Variants in GOLM1 observed in about 807,000 individuals in gnomAD.
GOLM1 encodes golgi membrane protein 1, also known as epididymis luminal protein 46.
Under a neutral mutation model 50.5 loss-of-function variants are expected in GOLM1, and 31 were observed. The ratio of observed to expected loss-of-function variants is 0.61; its 90% CI spans 0.46 to 0.83. GOLM1 has a LOEUF of 0.83. Among genes scored for constraint, GOLM1 ranks in the 40% least tolerant of loss-of-function variants. The pLI, the probability that GOLM1 is intolerant of heterozygous loss-of-function variation, is 0.00. For synonymous variants in GOLM1, 178 were observed against 192.8 expected, an observed-to-expected ratio of 0.92 and a Z score of 0.64; for missense variants, 491 against 501.3, an observed-to-expected ratio of 0.98 and a Z score of 0.20.
At position 86,079,229 on chromosome 9, in the gene GOLM1, T is replaced by G; in HGVS notation, c.92A>C (p.Asn31Thr). The G allele has an allele frequency of 6.2e-7, 1 of 1,608,040 alleles. No homozygotes were observed. The highest frequency in any genetic ancestry group is 8.5e-7 in the Non-Finnish European group (1 of 1,176,260). The change falls in exon 2 of 10, where the codon AAC (asparagine) becomes ACC (threonine). Residue 31 changes from asparagine to threonine, a missense_variant. Coordinates refer to ENST00000388712, the MANE Select transcript of GOLM1 (RefSeq NM_016548.4). ...LVACIIVLGF[N>T]YWIASSRSVD... ...GCTCCGGGAGCTCGCAATCCAGTAGTTGAAGCCCAAGACGATGATGCAGGC... is the reference window on the plus strand; with the variant it reads ...GCTCCGGGAGCTCGCAATCCAGTAGGTGAAGCCCAAGACGATGATGCAGGC...
chr9:86,072,468 T>A (rs937149444), intron 3 of GOLM1, among the ~76,000 whole-genome samples: 1 of 152,200 alleles, frequency 6.6e-6, no homozygotes, highest in Non-Finnish European at 1.5e-5. Flanking sequence ...AGCAAGCCTG[T>A]CTCAGTGCTG....
chr9:86,079,104 A>G (rs1834709569), intron 2 of GOLM1, 88 bp downstream of exon 2: 17 of 1,233,616 alleles, frequency 1.4e-5, no homozygotes, highest in Non-Finnish European at 1.8e-5. Flanking sequence ...CTGGCTGGCA[A>G]TAAACAACAA....
In GOLM1 at chr9:86,033,357, TGTA is replaced by T; in HGVS notation, c.1051_1053del (p.Tyr351del). On this transcript the variant is annotated inframe_deletion, in exon 9 of 10. Transcript: ENST00000388712. ...GATTCTGCTTCATTTTCATCCATGT[TGTA>T]GTCATCTTCTCCTCTCAGTTTCTGC... The T allele has an allele frequency of 1.2e-6, 2 of 1,613,122 alleles. No homozygotes were observed.
At chr9:86,028,538 C>G (rs1832859720) in intron 9 of GOLM1, among the ~76,000 whole-genome samples, 1 of 152,216 alleles carries the variant, frequency 6.6e-6, no homozygotes, top group Non-Finnish European at 1.5e-5. Flanking sequence ...CTGATTTTTT[C>G]AGTACACTAG....
At chr9:86,065,546 C>T (rs1834284022) in intron 3 of GOLM1, among the ~76,000 whole-genome samples, 1 of 152,166 alleles carries the variant, frequency 6.6e-6, no homozygotes, top group African/African-American at 2.4e-5. Flanking sequence ...CCAGAACCCT[C>T]TGAGAATTGC....
In GOLM1 at chr9:86,046,526, A is replaced by G. The variant is rs1833549056; in HGVS notation, c.411T>C (p.Asp137=). The change falls in exon 5 of 10, where the codon GAT becomes GAC. Residue 137 remains aspartate (D), a synonymous_variant. Transcript: ENST00000388712. The part of the protein sequence containing the change: ...LQRNYGRLQQ[D]VLQFQKNQTN... ...TCTGGTTCTTCTGAAACTGGAGGAC[A>G]TCCTGCTGCAGCCTGCCGTAATTCC... 6.2e-7 allele frequency: 1 copy of G among 1,613,586 alleles called. No homozygotes were observed. Among genetic ancestry groups the G allele is most frequent in the African/African-American group, 1.3e-5 (1 of 74,936 alleles).
At chr9:86,075,217 T>TG (rs2034478907) in intron 3 of GOLM1, among the ~76,000 whole-genome samples, 1 of 152,232 alleles carries the variant, frequency 6.6e-6, no homozygotes, top group Non-Finnish European at 1.5e-5. Flanking sequence ...AATAAATACT[T>TG]GTTGTTTATA....
At chr9:86,039,661 C>T (rs559682340) in intron 6 of GOLM1, among the ~76,000 whole-genome samples, 2 of 152,266 alleles carry the variant, frequency 1.3e-5, no homozygotes, top group Admixed American at 1.3e-4. Flanking sequence ...CTGAGGTATT[C>T]ATACTCAGTC....
chr9:86,032,350 G>A (rs1335863497), intron 9 of GOLM1, among the ~76,000 whole-genome samples: 1 of 152,114 alleles, frequency 6.6e-6, no homozygotes, highest in African/African-American at 2.4e-5. Flanking sequence ...TCTCTTTTTA[G>A]TAGAGACGGG....
intron 1 of GOLM1, chr9:86,079,588 C>T (rs766298980): frequency 1.2e-5 from 4 of 338,314 alleles, no homozygotes; most frequent in Non-Finnish European, 1.6e-5. Flanking sequence ...GGCACCGCCC[C>T]GAAACCTGCC....
intron 1 of GOLM1, among the ~76,000 whole-genome samples, chr9:86,098,978 C>T (rs559011158): frequency 6.6e-6 from 1 of 152,334 alleles, no homozygotes; most frequent in Non-Finnish European, 1.5e-5. Context: ...AGACTCGCGG[C>T]TCGGCCAGCC....
chr9:86,076,573 T>C (rs10217181), intron 3 of GOLM1, among the ~76,000 whole-genome samples: 37,672 of 149,668 alleles, frequency 0.25, 8,211 homozygotes, highest in African/African-American at 0.57. Context: ...TATTCCTACA[T>C]AAGAAAACCA....
intron 1 of GOLM1, among the ~76,000 whole-genome samples, chr9:86,097,162 G>A (rs1835376398): frequency 1.3e-5 from 2 of 151,090 alleles, no homozygotes; most frequent in Admixed American, 6.6e-5. Flanking sequence ...TAAATTTGGA[G>A]ACAAGTCTCT....
At chr9:86,098,740 G>A (rs1835428483) in intron 1 of GOLM1, among the ~76,000 whole-genome samples, 2 of 152,220 alleles carry the variant, frequency 1.3e-5, no homozygotes, top group African/African-American at 2.4e-5. Context: ...TTTACAGCAG[G>A]GCAAAGTTGT....
intron 3 of GOLM1, among the ~76,000 whole-genome samples, chr9:86,066,949 T>C (rs914170438): frequency 2.0e-5 from 3 of 152,010 alleles, no homozygotes; most frequent in African/African-American, 7.3e-5. Flanking sequence ...ACTATTATTA[T>C]TATTATTTAG....
intron 4 of GOLM1, among the ~76,000 whole-genome samples, chr9:86,049,568 C>G (rs1282208832): frequency 6.6e-6 from 1 of 152,114 alleles, no homozygotes; most frequent in African/African-American, 2.4e-5. Flanking sequence ...TTGTAGTTCT[C>G]CTTGAAGAGG....
intron 9 of GOLM1, among the ~76,000 whole-genome samples, chr9:86,031,231 A>G (rs1158607592): frequency 6.6e-6 from 1 of 151,792 alleles, no homozygotes; most frequent in Non-Finnish European, 1.5e-5. Context: ...AAAAAAGGGC[A>G]TCGGCAGGAT....
chr9:86,052,474 G>T, intron 4 of GOLM1, 63 bp downstream of exon 4: 1 of 1,393,558 alleles, frequency 7.2e-7, no homozygotes, highest in Non-Finnish European at 1.0e-6. Flanking sequence ...CCTAGAGAAG[G>T]AGAGAAAGGG....
At chr9:86,040,285 C>CA (rs1430262909) in intron 6 of GOLM1, among the ~76,000 whole-genome samples, 2 of 152,104 alleles carry the variant, frequency 1.3e-5, no homozygotes, top group Non-Finnish European at 2.9e-5. Context: ...AAAAACTACT[C>CA]AAAGATCACC....
Sources: gnomAD v4.1 joint callset for allele counts (sites outside exome capture counted in the v4.1 genomes callset) on GRCh38, gnomAD v4.1.1 for gene constraint, MANE v1.5 for transcripts, NCBI Gene and HGNC (gene_info 2026-07-23, HGNC 2026-07-21) for gene names.